ABCA9: variants seen among roughly 807,000 people sequenced by gnomAD.
ABCA9 encodes the protein ATP binding cassette subfamily A member 9.
A neutral mutation model predicts 205.3 loss-of-function variants in ABCA9; 183 were observed. The ratio of observed to expected loss-of-function variants is 0.89; its 90% CI spans 0.79 to 1.01. The LOEUF (loss-of-function observed/expected upper bound fraction) is 1.01. Ranked by LOEUF, ABCA9 falls within the 50% of genes least tolerant of loss-of-function variation. The pLI, the probability that ABCA9 is intolerant of heterozygous loss-of-function variation, is 0.00. For synonymous variants in ABCA9, 651 were observed against 683.3 expected (o/e 0.95, Z 0.74); for missense variants, 1,805 against 1,912.4 (o/e 0.94, Z 1.05).
intron 12 of ABCA9, among the ~76,000 whole-genome samples, chr17:69,028,319 A>T (rs2071058579): frequency 6.6e-6 from 1 of 151,892 alleles, no homozygotes; most frequent in South Asian, 2.1e-4. Context: ...GGCACCTGCC[A>T]CCATGCCTGG....
At chr17:69,068,654 C>A in the ABCA9 span, among the ~76,000 whole-genome samples, 1 of 152,050 alleles carries the variant, frequency 6.6e-6, no homozygotes, top group African/African-American at 2.4e-5. Flanking sequence ...TATATCTTTA[C>A]CCCAAAAAAC....
chr17:69,039,078 G>T (rs1248777473), intron 6 of ABCA9, among the ~76,000 whole-genome samples: 1 of 152,054 alleles, frequency 6.6e-6, no homozygotes, highest in African/African-American at 2.4e-5. Flanking sequence ...ACAAACAAAT[G>T]GAAAAACATT....
chr17:69,001,498 G>A (rs1311293661), intron 25 of ABCA9, among the ~76,000 whole-genome samples: 1 of 149,666 alleles, frequency 6.7e-6, no homozygotes, highest in Non-Finnish European at 1.5e-5. Context: ...GCTTTTTGAT[G>A]TGCTGCTGGA....
Position 69,026,360 on chromosome 17 carries a change from A to G in ABCA9, c.2141+17T>C. 6.2e-7 allele frequency: 1 copy of G among 1,602,960 alleles called. No individual in the cohort carries two copies. Among genetic ancestry groups the G allele is most frequent in the Non-Finnish European group, 8.5e-7 (1 of 1,172,486 alleles). On this transcript the variant is annotated intron_variant, in intron 16 of 38. Coordinates refer to ENST00000340001, the MANE Select transcript of ABCA9 (RefSeq NM_080283.4). ...TTTCAGCATCTGTCAACACGTCTCC[A>G]ACATTCAGGGCTGTACCTTAAATGG...
chr17:69,058,073 G>A (rs1321296360), intron 1 of ABCA9, among the ~76,000 whole-genome samples: 3 of 152,138 alleles, frequency 2.0e-5, no homozygotes, highest in African/African-American at 7.2e-5. Context: ...AACTGATAAA[G>A]AAAACGTAAG....
chr17:69,038,518 C>T (rs2071421185), intron 6 of ABCA9, among the ~76,000 whole-genome samples: 1 of 152,142 alleles, frequency 6.6e-6, no homozygotes. Context: ...AGTTCAACAC[C>T]CCTTCATGCT....
At position 68,976,033 on chromosome 17, in the gene ABCA9, TAAAG is replaced by T. The variant is rs1567906182; in HGVS notation, c.4777-24_4777-21del. On this transcript the variant is annotated intron_variant, in intron 38 of 38. Transcript: ENST00000340001. ...GAAAACCTAAAAGGAAGGAAAGAAA[TAAAG>T]AGAGGAGAACAATGCCATACTGCCT... 3.7e-6 allele frequency: 6 copies of T among 1,611,390 alleles called. No individual in the cohort carries two copies. The South Asian group carries it at 6.6e-5, about 18-fold the overall frequency.
At chr17:69,018,157 T>C (rs1191676797) in intron 20 of ABCA9, 2 of 397,666 alleles carry the variant, frequency 5.0e-6, no homozygotes, top group African/African-American at 2.1e-5. Context: ...CAGAGGTGAG[T>C]CAATGATTTA....
At chr17:69,065,382 A>G (rs1382176705), upstream of ABCA9, among the ~76,000 whole-genome samples, 1 of 152,216 alleles carries the variant, frequency 6.6e-6, no homozygotes, top group African/African-American at 2.4e-5. Context: ...CACATCACAT[A>G]TAAACAATCT....
At chr17:69,051,444 G>C (rs113629344) in intron 1 of ABCA9, 9 of 290,570 alleles carry the variant, frequency 3.1e-5, no homozygotes, top group African/African-American at 1.7e-4. Flanking sequence ...GTCTAATGGG[G>C]AGAAAGGAAC....
At chr17:69,062,120 T>A (rs1399759743), upstream of ABCA9, among the ~76,000 whole-genome samples, 7 of 150,456 alleles carry the variant, frequency 4.7e-5, no homozygotes, top group Non-Finnish European at 7.4e-5. Flanking sequence ...AACTCCTGAA[T>A]CCATGAGACT....
At chr17:69,045,148 A>AT in intron 4 of ABCA9, 24 bp downstream of exon 4, 2 of 1,605,710 alleles carry the variant, frequency 1.2e-6, no homozygotes, top group Non-Finnish European at 1.7e-6. Context: ...AGCAAAAAAA[A>AT]TTTTTTTCTT....
chr17:69,011,171 C>G (rs1383934457), intron 23 of ABCA9, among the ~76,000 whole-genome samples: 1 of 152,080 alleles, frequency 6.6e-6, no homozygotes, highest in Non-Finnish European at 1.5e-5. Context: ...TAACTAGTAT[C>G]TCATTTTATA....
chr17:68,977,316 T>C (rs931315789), intron 37 of ABCA9, among the ~76,000 whole-genome samples: 1 of 152,020 alleles, frequency 6.6e-6, no homozygotes, highest in African/African-American at 2.4e-5. Flanking sequence ...AAGGAACCCA[T>C]AAAAGTACCC....
chr17:69,014,430 A>G (rs2070507626), intron 22 of ABCA9, among the ~76,000 whole-genome samples: 1 of 152,186 alleles, frequency 6.6e-6, no homozygotes. Context: ...CAAATATTCC[A>G]AAATCTGAAA....
rs767776523 is a variant in ABCA9 at position 68,983,725 on chromosome 17, C to G, written c.4624G>C (p.Ala1542Pro). 2 of 1,614,126 alleles carry G rather than the reference C, an allele frequency of 1.2e-6. No homozygotes were observed. Among genetic ancestry groups the G allele is most frequent in the East Asian group, 4.5e-5 (2 of 44,886 alleles). The change falls in exon 36 of 39, where the codon GCT (alanine) becomes CCT (proline). Residue 1542 changes from alanine to proline, a missense_variant. Physicochemically the swap from Ala to Pro is conservative, Grantham distance 27. Transcript: ENST00000340001. The stretch of plus-strand genomic sequence containing the variant: ...TGTGTCTACCTTTCCTGCTGAGCAG[C>G]CTGGGGGAAAAGCCTCAGGATCTCT... Reference protein sequence around the residue: ...HAEILRLFPQAAQQERFSSLM... With the variant: ...HAEILRLFPQPAQQERFSSLM...
At chr17:69,003,156 C>A (rs1210200414) in intron 25 of ABCA9, among the ~76,000 whole-genome samples, 1 of 151,352 alleles carries the variant, frequency 6.6e-6, no homozygotes, top group East Asian at 1.9e-4. Flanking sequence ...TTGGTCCTGT[C>A]ATTATGATGT....
In ABCA9 at chr17:69,044,535, C is replaced by CA. The variant is rs1567969169; in HGVS notation, c.534dup (p.Val179CysfsTer8). ...GCATTAATGGCAGCTTGAAAAGCTACAAAGCCTTTCTCCCAGAACTCTGAA... is the reference window on the plus strand; with the variant it reads ...GCATTAATGGCAGCTTGAAAAGCTACAAAAGCCTTTCTCCCAGAACTCTGAA... On this transcript the variant is annotated frameshift_variant, in exon 5 of 39. Transcript: ENST00000340001. LOFTEE classifies it high-confidence loss of function. 1.2e-6 allele frequency: 2 copies of CA among 1,613,222 alleles called. No individual in the cohort carries two copies. Among genetic ancestry groups the CA allele is most frequent in the East Asian group, 4.5e-5 (2 of 44,792 alleles).
At chr17:69,054,526 CAAAA>C (rs751565245) in intron 1 of ABCA9, among the ~76,000 whole-genome samples, 1 of 77,380 alleles carries the variant, frequency 1.3e-5, no homozygotes, top group Non-Finnish European at 2.6e-5. Flanking sequence ...GACCCTCTCT[CAAAA>C]AAAAAAAAAA....
Sources: gnomAD v4.1 joint callset for allele counts (sites outside exome capture counted in the v4.1 genomes callset) on GRCh38, gnomAD v4.1.1 for gene constraint, MANE v1.5 for transcripts, NCBI Gene and HGNC (gene_info 2026-07-23, HGNC 2026-07-21) for gene names.